SERAC1: variants seen among roughly 807,000 people sequenced by gnomAD.
SERAC1 encodes serine active site containing 1.
In SERAC1, 36 loss-of-function variants were observed where a neutral mutation model predicts 85.7. The ratio of observed to expected loss-of-function variants is 0.42; its 90% CI spans 0.32 to 0.55. The LOEUF (loss-of-function observed/expected upper bound fraction) is 0.55, where lower values mean the gene tolerates loss of function less well. SERAC1 is among the 20% of genes least tolerant of loss of function. The pLI is 0.11. For synonymous variants in SERAC1, 242 were observed against 265.3 expected (o/e 0.91, Z 0.85); for missense variants, 629 against 796.2 (o/e 0.79, Z 2.53).
intron 8 of SERAC1, among the ~76,000 whole-genome samples, chr6:158,141,660 T>C (rs958615181): frequency 6.6e-6 from 1 of 152,168 alleles, no homozygotes; most frequent in African/African-American, 2.4e-5. Flanking sequence ...GGCCAAATCT[T>C]GTAGGGCAGG....
At chr6:158,126,183 A>C (rs1313820677) in intron 10 of SERAC1, among the ~76,000 whole-genome samples, 1 of 152,182 alleles carries the variant, frequency 6.6e-6, no homozygotes, top group Admixed American at 6.5e-5. Flanking sequence ...AGAGGCAAGA[A>C]GCAAAGACAC....
intron 1 of SERAC1, among the ~76,000 whole-genome samples, chr6:158,166,725 G>A (rs1318331674): frequency 6.6e-6 from 1 of 151,982 alleles, no homozygotes; most frequent in African/African-American, 2.4e-5. Context: ...CTATTTCTAG[G>A]TACCTTTAGT....
At chr6:158,153,739 CCTT>C (rs1206290623) in intron 3 of SERAC1, among the ~76,000 whole-genome samples, 2 of 152,244 alleles carry the variant, frequency 1.3e-5, no homozygotes, top group East Asian at 3.9e-4. Flanking sequence ...GAGCTTAGCA[CCTT>C]CTTCTGACCT....
chr6:158,146,815 C>T lies in SERAC1; in HGVS notation c.454G>A (p.Val152Met), dbSNP rs370639046. 6.2e-7 allele frequency: 1 copy of T among 1,613,992 alleles called. No homozygotes were observed. The highest frequency in any genetic ancestry group is 1.1e-5 in the South Asian group (1 of 91,078). ...SDDKTTRLEA[V>M]REMSETHHWH... ...TGATGGGTCTCCGACATTTCCCGCACAGCCTCGAGTCGCGTGGTTTTGTCA... is the reference window on the plus strand; with the variant it reads ...TGATGGGTCTCCGACATTTCCCGCATAGCCTCGAGTCGCGTGGTTTTGTCA... The change falls in exon 6 of 17, where the codon GTG (valine) becomes ATG (methionine). Residue 152 changes from valine (V) to methionine (M), a missense_variant. By Grantham distance (21) the Val-to-Met change is conservative. Coordinates refer to ENST00000647468, the MANE Select transcript of SERAC1 (RefSeq NM_032861.4).
At chr6:158,143,268 T>G in intron 7 of SERAC1, 84 bp from the exon 8 acceptor site, 1 of 1,518,638 alleles carries the variant, frequency 6.6e-7, no homozygotes, top group Non-Finnish European at 8.8e-7. Context: ...AAGCCAATAT[T>G]TGCCATATAT....
intron 3 of SERAC1, among the ~76,000 whole-genome samples, chr6:158,153,833 A>C (rs1433873508): frequency 6.6e-6 from 1 of 152,142 alleles, no homozygotes; most frequent in African/African-American, 2.4e-5. Context: ...AAGCCTCTTT[A>C]GAATCCTCTG....
intron 10 of SERAC1, among the ~76,000 whole-genome samples, chr6:158,122,783 G>T (rs2128413211): frequency 6.6e-6 from 1 of 152,162 alleles, no homozygotes; most frequent in East Asian, 1.9e-4. Flanking sequence ...CTGTCTCAAA[G>T]AAAAAGAAAA....
At position 158,117,837 on chromosome 6, in the gene SERAC1, CAT is replaced by C. The variant is rs780332152; in HGVS notation, c.1309-18_1309-17del. 440 of 1,594,314 alleles carry C rather than the reference CAT, an allele frequency of 2.8e-4. 1 individual carries two copies. The highest frequency in any genetic ancestry group is 1.8e-4 in the Non-Finnish European group (215 of 1,163,310). ...CTAACCATGTCTAAGTAAAATAAAA[CAT>C]ATGTGAGAACAAGTATGAATCTTCA... On this transcript the variant is annotated splice_polypyrimidine_tract_variant and intron_variant, in intron 12 of 16. Coordinates refer to ENST00000647468, the MANE Select transcript of SERAC1 (RefSeq NM_032861.4). The surrounding 1 kb of genome is among the most constrained non-coding windows in gnomAD (Gnocchi z 4.3).
chr6:158,143,347 C>CTATA (rs753604114), intron 7 of SERAC1, among the ~76,000 whole-genome samples, 163 bp from the exon 8 acceptor site: 22 of 46,384 alleles, frequency 4.7e-4, no homozygotes, highest in Non-Finnish European at 8.0e-4. Flanking sequence ...CTCTCTCTCT[C>CTATA]TATATATATA....
At chr6:158,140,192 T>C (rs1294353213) in intron 8 of SERAC1, among the ~76,000 whole-genome samples, 1 of 152,180 alleles carries the variant, frequency 6.6e-6, no homozygotes, top group East Asian at 1.9e-4. Context: ...ATGAGATGAC[T>C]GGTGGACGGA....
At chr6:158,137,687 G>T (rs751125070) in intron 8 of SERAC1, among the ~76,000 whole-genome samples, 1 of 151,624 alleles carries the variant, frequency 6.6e-6, no homozygotes, top group Non-Finnish European at 1.5e-5. Flanking sequence ...ACCAGCCTGG[G>T]CAACATGGCG....
chr6:158,142,776 T>G (rs1784949158), intron 8 of SERAC1, among the ~76,000 whole-genome samples: 1 of 152,062 alleles, frequency 6.6e-6, no homozygotes, highest in African/African-American at 2.4e-5. Context: ...CGCCCGGCCC[T>G]CATTCTTTAA....
chr6:158,118,717 CTA>C (rs931483029), intron 12 of SERAC1, among the ~76,000 whole-genome samples: 7 of 151,446 alleles, frequency 4.6e-5, no homozygotes, highest in Non-Finnish European at 7.4e-5. Flanking sequence ...AATTAGGTAA[CTA>C]TTATAAATGT....
chr6:158,126,023 G>T (rs561487475), intron 10 of SERAC1, among the ~76,000 whole-genome samples: 1 of 152,136 alleles, frequency 6.6e-6, no homozygotes, highest in South Asian at 2.1e-4. Context: ...ATAACCAAAC[G>T]ATATCAATAA....
chr6:158,139,325 AT>A (rs1784864906), intron 8 of SERAC1, among the ~76,000 whole-genome samples: 1 of 152,236 alleles, frequency 6.6e-6, no homozygotes, highest in African/African-American at 2.4e-5. Flanking sequence ...TGTATCCAGA[AT>A]ATACAAAGAG....
At chr6:158,125,754 A>G (rs987157921) in intron 10 of SERAC1, among the ~76,000 whole-genome samples, 1 of 152,228 alleles carries the variant, frequency 6.6e-6, no homozygotes, top group Admixed American at 6.5e-5. Context: ...AGAGTAAAAC[A>G]TATTACAACA....
chr6:158,114,067 G>GAA (rs5881241), intron 15 of SERAC1, among the ~76,000 whole-genome samples: 2 of 151,416 alleles, frequency 1.3e-5, no homozygotes, highest in South Asian at 2.1e-4. Context: ...GCTGGCCACA[G>GAA]AAAAAAAACA....
intron 1 of SERAC1, among the ~76,000 whole-genome samples, chr6:158,165,224 C>T (rs1785569930): frequency 6.6e-6 from 1 of 151,930 alleles, no homozygotes. Context: ...GGCGCGATCT[C>T]GGCTCACTGC....
At chr6:158,158,233 G>A in intron 2 of SERAC1, 40 bp downstream of exon 2, 1 of 1,451,716 alleles carries the variant, frequency 6.9e-7, no homozygotes, top group Admixed American at 1.8e-5. Flanking sequence ...TTCTATCACT[G>A]TTCCTATAAG....
Sources: gnomAD v4.1 joint callset for allele counts (sites outside exome capture counted in the v4.1 genomes callset) on GRCh38, gnomAD v4.1.1 for gene constraint, Gnocchi (gnomAD v3.1) non-coding constraint, MANE v1.5 for transcripts, NCBI Gene and HGNC (gene_info 2026-07-23, HGNC 2026-07-21) for gene names.